CST7: variants seen among roughly 807,000 people sequenced by gnomAD.
CST7 encodes the protein cystatin-F.
A neutral mutation model predicts 13.1 loss-of-function variants in CST7; 15 were observed. The observed-to-expected ratio is 1.14, with a 90% CI of 0.77 to 1.76. CST7 has a LOEUF of 1.76. CST7 is among the 40% of genes most tolerant of loss of function. CST7 has a pLI of 0.00. For synonymous variants in CST7, 75 were observed against 66.9 expected, an observed-to-expected ratio of 1.12 and a Z score of -0.59; for missense variants, 193 against 178.8, an observed-to-expected ratio of 1.08 and a Z score of -0.45.
chr20:24,952,564 G>A (rs1027697256), intron 1 of CST7, among the ~76,000 whole-genome samples: 1 of 152,230 alleles, frequency 6.6e-6, no homozygotes, highest in Non-Finnish European at 1.5e-5. Context: ...GGTGGGCAGA[G>A]TGAACACCAG....
Position 24,949,443 on chromosome 20 carries a change from C to T in CST7, c.-63C>T. 6.2e-7 allele frequency: 1 copy of T among 1,613,258 alleles called. No homozygotes were observed. Among genetic ancestry groups the T allele is most frequent in the Non-Finnish European group, 8.5e-7 (1 of 1,179,560 alleles). On this transcript the variant is annotated 5_prime_UTR_variant, in exon 1 of 4. Coordinates refer to ENST00000480798, the MANE Select transcript of CST7 (RefSeq NM_003650.4). ...AACCACTGCCTCCAACTGCCCCATG[C>T]TGCCTGAGAAGGCACTGCACGGCCA...
chr20:24,949,674 C>T, intron 1 of CST7, 99 bp downstream of exon 1: 2 of 1,476,420 alleles, frequency 1.4e-6, no homozygotes, highest in Non-Finnish European at 1.8e-6. Context: ...TAGCTTGGAG[C>T]CCCCACAGGA....
chr20:24,957,199 C>T, intron 1 of CST7, 88 bp from the exon 2 acceptor site: 1 of 1,361,286 alleles, frequency 7.3e-7, no homozygotes, highest in Admixed American at 2.0e-5. Flanking sequence ...CAGCAGAGAA[C>T]TGAGCATCAC....
chr20:24,959,571 C>T lies in CST7; in HGVS notation c.361-64C>T. On this transcript the variant is annotated intron_variant, in intron 3 of 3. Coordinates refer to ENST00000480798, the MANE Select transcript of CST7 (RefSeq NM_003650.4). ...GAGCTCCTCCATGAGGACCACCCCT[C>T]CACGGGCAGAGGGCTCCCCGCAGGG... is the stretch of plus-strand genomic sequence containing the variant. 5 of 1,515,428 alleles carry T rather than the reference C, an allele frequency of 3.3e-6. No homozygotes were observed. In the African/African-American group the frequency reaches 4.1e-5, roughly 12 times the overall value. The allele number at this position is 1,515,428 out of a possible 1,614,324, so 93.9% of individuals were successfully genotyped here. A position where few individuals can be genotyped will look rare whatever the true frequency, so the allele number is the denominator to read the frequency against.
At chr20:24,950,462 A>C (rs2087812105) in intron 1 of CST7, among the ~76,000 whole-genome samples, 1 of 152,188 alleles carries the variant, frequency 6.6e-6, no homozygotes, top group South Asian at 2.1e-4. Flanking sequence ...GAGTCAGGAT[A>C]CTGAGGACTC....
In CST7 at chr20:24,955,598, C is replaced by T. The variant is rs187143434; in HGVS notation, c.71-1689C>T. 6.2e-3 allele frequency among the ~76,000 whole-genome samples: 946 copies of T among 152,166 alleles called. 13 individuals are homozygous for T. Among genetic ancestry groups the T allele is most frequent in the African/African-American group, 0.022 (903 of 41,518 alleles). On this transcript the variant is annotated intron_variant, in intron 1 of 3. Transcript: ENST00000480798. ...CCGAGTACCTGGGACTACAGGTGCC[C>T]GCCACCATGTCCAGCTAATTTTTTG...
Position 24,949,511 on chromosome 20 carries a change from A to G in CST7, c.6A>G (p.Arg2=). The G allele has an allele frequency of 6.2e-7, 1 of 1,614,082 alleles. No individual in the cohort carries two copies. The highest frequency in any genetic ancestry group is 1.7e-5 in the Admixed American group (1 of 60,026). The change falls in exon 1 of 4, where the codon CGA becomes CGG. Residue 2 remains arginine (R), a synonymous_variant. Coordinates refer to ENST00000480798, the MANE Select transcript of CST7 (RefSeq NM_003650.4). M[R]AAGTLLAFCC... ...CTGTCCCTACCCGGGCAGCCATGCG[A>G]GCGGCTGGAACTCTGCTGGCCTTCT...
Position 24,959,920 on chromosome 20 carries a change from T to C in CST7, c.*208T>C, listed in dbSNP as rs543767041. ...AGATTAAATAGATCACATTTGCTTC[T>C]AAAATTAACTCCTGTTTCTGAGGCT... On this transcript the variant is annotated 3_prime_UTR_variant, in exon 4 of 4. Coordinates refer to ENST00000480798, the MANE Select transcript of CST7 (RefSeq NM_003650.4). The C allele has an allele frequency of 4.4e-4, 251 of 570,560 alleles. 1 individual carries two copies. Among genetic ancestry groups the C allele is most frequent in the Non-Finnish European group, 7.5e-4 (235 of 315,392 alleles). 35.3% of individuals were successfully genotyped at this position (570,560 alleles called of 1,614,324 possible).
intron 2 of CST7, among the ~76,000 whole-genome samples, chr20:24,958,172 T>C (rs141844774): frequency 2.6e-5 from 4 of 152,252 alleles, no homozygotes; most frequent in Non-Finnish European, 5.9e-5. Flanking sequence ...CTAATTATTT[T>C]TGACAATTGC....
At chr20:24,951,426 G>T (rs1380592754) in intron 1 of CST7, among the ~76,000 whole-genome samples, 2 of 152,200 alleles carry the variant, frequency 1.3e-5, no homozygotes, top group Non-Finnish European at 2.9e-5. Context: ...ACCCTGCCCA[G>T]GCGCTGTGAT....
In CST7 at chr20:24,955,052, C is replaced by CA. The variant is rs758262037; in HGVS notation, c.71-2233dup. 8.0e-4 allele frequency among the ~76,000 whole-genome samples: 58 copies of CA among 72,308 alleles called. 1 individual carries two copies. Among genetic ancestry groups the CA allele is most frequent in the African/African-American group, 2.9e-3 (39 of 13,628 alleles). The allele number at this position is 72,308 out of a possible 152,430, so 47.4% of individuals were successfully genotyped here. ...AAAGAAAGCAAAACAACAACAACAA[C>CA]AACAAAAAAAAACGCTAATCTGACA... On this transcript the variant is annotated intron_variant, in intron 1 of 3. Coordinates refer to ENST00000480798, the MANE Select transcript of CST7 (RefSeq NM_003650.4).
At chr20:24,956,986 G>A (rs1457318245) in intron 1 of CST7, among the ~76,000 whole-genome samples, 7 of 46,298 alleles carry the variant, frequency 1.5e-4, no homozygotes, top group Non-Finnish European at 2.3e-4. Context: ...CAGGGGTGTC[G>A]GGGGGGACAG....
At chr20:24,957,038 AG>A (rs2087861075) in intron 1 of CST7, among the ~76,000 whole-genome samples, 14 of 2,552 alleles carry the variant, frequency 5.5e-3, no homozygotes, top group East Asian at 0.014. Flanking sequence ...GGAGCAGGTG[AG>A]AGGGGGCAGG....
chr20:24,950,359 G>T (rs2087811583), intron 1 of CST7, among the ~76,000 whole-genome samples: 1 of 152,226 alleles, frequency 6.6e-6, no homozygotes, highest in African/African-American at 2.4e-5. Flanking sequence ...TGGCCAAAGG[G>T]GCCCAGGTGG....
chr20:24,949,610 G>C, intron 1 of CST7, 35 bp downstream of exon 1: 3 of 1,612,088 alleles, frequency 1.9e-6, no homozygotes, highest in Non-Finnish European at 2.5e-6. Flanking sequence ...CTCCCCGGGG[G>C]TCTCTCCCTG....
chr20:24,951,999 T>C (rs1208111130), intron 1 of CST7, among the ~76,000 whole-genome samples: 2 of 152,140 alleles, frequency 1.3e-5, no homozygotes, highest in Non-Finnish European at 2.9e-5. Flanking sequence ...TACTTCCCAG[T>C]AGCAGAGAGA....
In CST7 at chr20:24,949,329, C is replaced by G; in HGVS notation, c.-177C>G. Reference sequence around the variant, plus strand: ...CACAAACCATTGCCCGGCACTGGCCCGTGCTGCCTGAGAAGGATTGGCACG... The same window carrying G: ...CACAAACCATTGCCCGGCACTGGCCGGTGCTGCCTGAGAAGGATTGGCACG... On this transcript the variant is annotated 5_prime_UTR_variant, in exon 1 of 4. Coordinates refer to ENST00000480798, the MANE Select transcript of CST7 (RefSeq NM_003650.4). The G allele has an allele frequency of 6.6e-7, 1 of 1,524,068 alleles. No individual in the cohort carries two copies. The highest frequency in any genetic ancestry group is 1.3e-5 in the South Asian group (1 of 78,538). 94.4% of individuals were successfully genotyped at this position (1,524,068 alleles called of 1,614,324 possible).
chr20:24,958,440 G>A (rs2122458957), intron 2 of CST7, among the ~76,000 whole-genome samples: 1 of 152,318 alleles, frequency 6.6e-6, no homozygotes, highest in South Asian at 2.1e-4. Context: ...AAAACCTGAG[G>A]AATTTTTCTT....
chr20:24,951,041 G>A (rs1047285410), intron 1 of CST7, among the ~76,000 whole-genome samples: 8 of 152,302 alleles, frequency 5.3e-5, no homozygotes, highest in South Asian at 2.1e-4. Flanking sequence ...ACAGGGTGGC[G>A]TGGGAGCCGA....
Sources: gnomAD v4.1 joint callset for allele counts (sites outside exome capture counted in the v4.1 genomes callset) on GRCh38, gnomAD v4.1.1 for gene constraint, MANE v1.5 for transcripts, NCBI Gene and HGNC (gene_info 2026-07-23, HGNC 2026-07-21) for gene names.